The following ANKS1A variants were observed in gnomAD, a reference collection of about 807,000 sequenced individuals.
ANKS1A encodes the protein ankyrin repeat and sterile alpha motif domain containing 1A.
Under a neutral mutation model 120.3 loss-of-function variants are expected in ANKS1A, and 55 were observed. That is an observed-to-expected ratio of 0.46 (90% CI 0.37 to 0.57). The LOEUF (loss-of-function observed/expected upper bound fraction) is 0.57, where lower values mean the gene tolerates loss of function less well. Among genes scored for constraint, ANKS1A ranks in the 20% least tolerant of loss-of-function variants. ANKS1A has a pLI of 0.00. For synonymous variants in ANKS1A, 590 were observed against 604.7 expected, an observed-to-expected ratio of 0.98 and a Z score of 0.36; for missense variants, 1,123 against 1,480.3, an observed-to-expected ratio of 0.76 and a Z score of 3.96.
rs894313472 is a variant in ANKS1A, at chr6:35,088,837, C to A, written c.*228C>A. 3.4e-6 allele frequency: 5 copies of A among 1,460,834 alleles called. No homozygotes were observed. The highest frequency in any genetic ancestry group is 5.0e-5 in the East Asian group (2 of 40,194). 90.5% of individuals were successfully genotyped at this position (1,460,834 alleles called of 1,614,324 possible). On this transcript the variant is annotated 3_prime_UTR_variant, in exon 24 of 24. Transcript: ENST00000360359. ...CCAGGCCGCTAGCAGATGGGACTGG[C>A]ATTCCAGAGGGTCAAGAAGTGACTT...
chr6:34,978,826 G>T (rs977487457), intron 3 of ANKS1A, among the ~76,000 whole-genome samples: 11 of 143,258 alleles, frequency 7.7e-5, no homozygotes, highest in African/African-American at 2.6e-4. Flanking sequence ...AAAAAAAAAA[G>T]AGTTTCCTAG....
intron 11 of ANKS1A, among the ~76,000 whole-genome samples, chr6:35,032,527 A>G (rs1774959031): frequency 6.6e-6 from 1 of 152,310 alleles, no homozygotes; most frequent in Middle Eastern, 3.4e-3. Flanking sequence ...GTGCATAGAA[A>G]AAATGCAAGT....
intron 8 of ANKS1A, among the ~76,000 whole-genome samples, chr6:34,986,556 C>T (rs1274385838): frequency 6.6e-6 from 1 of 152,196 alleles, no homozygotes; most frequent in Non-Finnish European, 1.5e-5. Context: ...CTGAATCTGG[C>T]TTGTGACCAT....
intron 1 of ANKS1A, among the ~76,000 whole-genome samples, chr6:34,908,436 G>A (rs937290913): frequency 6.6e-6 from 1 of 152,162 alleles, no homozygotes; most frequent in Non-Finnish European, 1.5e-5. Flanking sequence ...GATCGTCATG[G>A]GATTGGATGC....
intron 1 of ANKS1A, among the ~76,000 whole-genome samples, chr6:34,947,437 A>T (rs1769860527): frequency 2.6e-5 from 4 of 152,236 alleles, no homozygotes; most frequent in Middle Eastern, 6.8e-3. Context: ...GTGAGCCACC[A>T]TGCCCAGCCT....
At position 34,957,415 on chromosome 6, in the gene ANKS1A, A is replaced by G. The variant is rs76976132; in HGVS notation, c.198-9824A>G. ...AGGAAGGATGTGTCAAATTCATTTG[A>G]GTAAGATGAAATCTTTTCTAAATTA... is the stretch of plus-strand genomic sequence containing the variant. On this transcript the variant is annotated intron_variant, in intron 1 of 23. Coordinates refer to ENST00000360359, the MANE Select transcript of ANKS1A (RefSeq NM_015245.3). Among the ~76,000 whole-genome samples, 628 of 152,360 alleles carry G rather than the reference A, an allele frequency of 4.1e-3. 19 individuals carry two copies. In the East Asian group the frequency reaches 0.078, roughly 19 times the overall value.
In ANKS1A at chr6:34,982,885, C is replaced by T; in HGVS notation, c.808+58C>T. ...CGTGCCAGGGTTGGGATTGTTTCTC[C>T]CTAGTCCCCTAGGGGGATTTTTGCT... On this transcript the variant is annotated intron_variant, in intron 5 of 23. Coordinates refer to ENST00000360359, the MANE Select transcript of ANKS1A (RefSeq NM_015245.3). The surrounding 1 kb of genome is among the most constrained non-coding windows in gnomAD (Gnocchi z 4.9). 4 of 1,606,096 alleles carry T rather than the reference C, an allele frequency of 2.5e-6. No homozygotes were observed. Among genetic ancestry groups the T allele is most frequent in the Non-Finnish European group, 3.4e-6 (4 of 1,173,064 alleles).
chr6:35,084,952 G>C lies in ANKS1A; in HGVS notation c.3132+694G>C, dbSNP rs913916029. On this transcript the variant is annotated intron_variant, in intron 21 of 23. Transcript: ENST00000360359. This position sits in a 1 kb window ranked among gnomAD's most constrained non-coding sequence, Gnocchi z 4.8. ...GCCCCAGGCTGCTTCCTCACCCCGGGAGGAAGTCAGAGGGGTCCAGGTCTC... is the reference window on the plus strand; with the variant it reads ...GCCCCAGGCTGCTTCCTCACCCCGGCAGGAAGTCAGAGGGGTCCAGGTCTC... Among the ~76,000 whole-genome samples the C allele has an allele frequency of 2.6e-5, 4 of 152,158 alleles. No homozygotes were observed. The highest frequency in any genetic ancestry group is 6.5e-5 in the Admixed American group (1 of 15,288).
At chr6:35,028,845 A>T (rs531421584) in intron 11 of ANKS1A, among the ~76,000 whole-genome samples, 1 of 152,206 alleles carries the variant, frequency 6.6e-6, no homozygotes, top group Non-Finnish European at 1.5e-5. Context: ...TGGACATTCT[A>T]CATGTTACCA....
At position 34,981,866 on chromosome 6, in the gene ANKS1A, A is replaced by C; in HGVS notation, c.612A>C (p.Ala204=). The C allele has an allele frequency of 6.2e-7, 1 of 1,613,586 alleles. No homozygotes were observed. Among genetic ancestry groups the C allele is most frequent in the Non-Finnish European group, 8.5e-7 (1 of 1,179,580 alleles). ...RLEVVKMLLN[A]HPNLLSCNTK... is the part of the protein sequence containing the mutation. ...AGGTGGTGAAAATGCTCCTTAATGC[A>C]CACCCCAACCTCCTGAGCTGCAACA... Residue 204 remains alanine, a synonymous_variant, in exon 4 of 24, where the codon GCA becomes GCC. Transcript: ENST00000360359.
intron 1 of ANKS1A, among the ~76,000 whole-genome samples, chr6:34,920,276 C>T (rs575201772): frequency 1.6e-4 from 25 of 152,168 alleles, no homozygotes; most frequent in South Asian, 6.2e-4. Context: ...AGTGCAATGG[C>T]GCAATCATAG....
At chr6:35,068,271 G>A (rs1437054315) in intron 13 of ANKS1A, among the ~76,000 whole-genome samples, 3 of 150,406 alleles carry the variant, frequency 2.0e-5, no homozygotes, top group African/African-American at 7.3e-5. Flanking sequence ...GGAAGAGGTC[G>A]AGGGCCAGGA....
chr6:34,933,355 A>G (rs1420715400), intron 1 of ANKS1A, among the ~76,000 whole-genome samples: 1 of 152,218 alleles, frequency 6.6e-6, no homozygotes, highest in African/African-American at 2.4e-5. Context: ...AATGCATAGA[A>G]TGATGGAGAA....
chr6:34,940,390 G>A (rs1769465392), intron 1 of ANKS1A, among the ~76,000 whole-genome samples: 1 of 152,140 alleles, frequency 6.6e-6, no homozygotes, highest in South Asian at 2.1e-4. Context: ...TACTTGGAAT[G>A]ACCTTTGTCC....
chr6:35,064,867 T>C (rs1022842637), intron 13 of ANKS1A, among the ~76,000 whole-genome samples: 1 of 151,958 alleles, frequency 6.6e-6, no homozygotes, highest in African/African-American at 2.4e-5. Flanking sequence ...TTCTGCCCAG[T>C]TGAAGCAGAG....
At chr6:35,002,387 A>G (rs1399356106) in intron 10 of ANKS1A, among the ~76,000 whole-genome samples, 1 of 152,238 alleles carries the variant, frequency 6.6e-6, no homozygotes, top group Non-Finnish European at 1.5e-5. Flanking sequence ...TGGCCGAAGC[A>G]TGAGGAAACT....
chr6:35,023,690 T>G (rs1581661600), intron 11 of ANKS1A: 1 of 383,574 alleles, frequency 2.6e-6, no homozygotes, highest in Non-Finnish European at 5.1e-6. Context: ...AAGGAAAGGG[T>G]AGAGAGATTC....
In ANKS1A at chr6:35,082,663, C is replaced by A; in HGVS notation, c.2710-28C>A. ...CCATGTGCTCCTCTGGAGCAAGGAG[C>A]AGGTGTCCAATTGCGTGTGTTTCGC... On this transcript the variant is annotated intron_variant, in intron 17 of 23. Coordinates refer to ENST00000360359, the MANE Select transcript of ANKS1A (RefSeq NM_015245.3). This position sits in a 1 kb window ranked among gnomAD's most constrained non-coding sequence, Gnocchi z 4.1. 2 of 1,593,470 alleles carry A rather than the reference C, an allele frequency of 1.3e-6. No homozygotes were observed. The highest frequency in any genetic ancestry group is 1.1e-5 in the South Asian group (1 of 88,374).
At chr6:34,970,971 G>A (rs847860) in intron 3 of ANKS1A, among the ~76,000 whole-genome samples, 174 of 152,330 alleles carry the variant, frequency 1.1e-3, no homozygotes, top group African/African-American at 4.1e-3. Context: ...TCATGCCACT[G>A]CACTGCAGCC....
Sources: allele counts gnomAD v4.1 joint callset (sites outside exome capture counted in the v4.1 genomes callset), GRCh38; gene constraint gnomAD v4.1.1; non-coding constraint Gnocchi (gnomAD v3.1); transcripts MANE v1.5; gene names NCBI Gene and HGNC (gene_info 2026-07-23, HGNC 2026-07-21).